DCK: variants seen among roughly 807,000 people sequenced by gnomAD.
DCK encodes deoxyadenosine kinase.
A neutral mutation model predicts 38.3 loss-of-function variants in DCK; 23 were observed. The observed-to-expected ratio is 0.60, with a 90% CI of 0.43 to 0.85. The LOEUF (loss-of-function observed/expected upper bound fraction) is 0.85, where lower values mean the gene tolerates loss of function less well. Among genes scored for constraint, DCK ranks in the 40% least tolerant of loss-of-function variants. DCK has a pLI of 0.00. For synonymous variants in DCK, 108 were observed against 100.6 expected (o/e 1.07, Z -0.44); for missense variants, 259 against 304.4 (o/e 0.85, Z 1.11).
At chr4:71,004,910 T>A (rs1486271058) in intron 2 of DCK, among the ~76,000 whole-genome samples, 4 of 152,168 alleles carry the variant, frequency 2.6e-5, no homozygotes, top group Non-Finnish European at 4.4e-5. Flanking sequence ...GGGGGTGGGA[T>A]CTGCTGAGCA....
At chr4:71,018,244 A>C (rs1740323249) in intron 2 of DCK, among the ~76,000 whole-genome samples, 1 of 148,918 alleles carries the variant, frequency 6.7e-6, no homozygotes, top group Non-Finnish European at 1.5e-5. Flanking sequence ...CTTGTGCCTC[A>C]GCCTCCCGAG....
At chr4:70,998,495 G>T (rs970278450) in intron 2 of DCK, among the ~76,000 whole-genome samples, 1 of 152,068 alleles carries the variant, frequency 6.6e-6, no homozygotes. Context: ...ATCTAGAGAT[G>T]ATTTATACTA....
At chr4:70,998,203 T>A in intron 2 of DCK, 21 bp downstream of exon 2, 1 of 1,235,332 alleles carries the variant, frequency 8.1e-7, no homozygotes, top group Non-Finnish European at 1.2e-6. Context: ...AAAATTTAAG[T>A]AGATAAAAGC....
chr4:71,008,211 G>A (rs564371161), intron 2 of DCK, among the ~76,000 whole-genome samples: 1 of 152,308 alleles, frequency 6.6e-6, no homozygotes, highest in African/African-American at 2.4e-5. Flanking sequence ...TATGATGCCT[G>A]TTTTCCAAAC....
chr4:71,003,312 C>T (rs1053669587), intron 2 of DCK, among the ~76,000 whole-genome samples: 2 of 152,228 alleles, frequency 1.3e-5, no homozygotes, highest in Non-Finnish European at 2.9e-5. Flanking sequence ...TGTAGGGTTT[C>T]TGCCGAGAGA....
At chr4:71,011,601 G>A (rs981339459) in intron 2 of DCK, among the ~76,000 whole-genome samples, 3 of 152,020 alleles carry the variant, frequency 2.0e-5, no homozygotes, top group East Asian at 1.9e-4. Flanking sequence ...CAAGCAATCC[G>A]CCTGCCTCGG....
chr4:71,014,373 TAAC>T (rs1740196407), intron 2 of DCK, among the ~76,000 whole-genome samples: 1 of 152,128 alleles, frequency 6.6e-6, no homozygotes, highest in South Asian at 2.1e-4. Flanking sequence ...GACAGAAAGT[TAAC>T]AAGGATATCC....
chr4:71,016,331 T>C (rs1321100051), intron 2 of DCK, among the ~76,000 whole-genome samples: 1 of 152,184 alleles, frequency 6.6e-6, no homozygotes, highest in Non-Finnish European at 1.5e-5. Context: ...ATAGGAAGAA[T>C]CAATATCGTG....
chr4:71,002,669 A>G (rs573646773), intron 2 of DCK, among the ~76,000 whole-genome samples: 12 of 152,010 alleles, frequency 7.9e-5, no homozygotes, highest in African/African-American at 2.7e-4. Flanking sequence ...TCTATTTAGG[A>G]TAGTTAGCTC....
intron 6 of DCK, among the ~76,000 whole-genome samples, chr4:71,029,139 C>G (rs1387224107): frequency 6.6e-6 from 1 of 152,168 alleles, no homozygotes; most frequent in Non-Finnish European, 1.5e-5. Flanking sequence ...AGTGATCCAC[C>G]CATCTCGGCC....
intron 4 of DCK, among the ~76,000 whole-genome samples, chr4:71,024,620 CTTCA>C (rs1176431534): frequency 6.6e-6 from 1 of 151,892 alleles, no homozygotes; most frequent in Non-Finnish European, 1.5e-5. Context: ...TGATTTTGTT[CTTCA>C]TTAAGTAAAG....
chr4:71,016,678 T>C (rs1216336103), intron 2 of DCK, among the ~76,000 whole-genome samples: 1 of 152,056 alleles, frequency 6.6e-6, no homozygotes, highest in Non-Finnish European at 1.5e-5. Flanking sequence ...AAACAAGAAA[T>C]GGGGAAAGGA....
intron 2 of DCK, among the ~76,000 whole-genome samples, chr4:71,003,852 C>G (rs867778184): frequency 6.6e-6 from 1 of 152,182 alleles, no homozygotes; most frequent in Non-Finnish European, 1.5e-5. Context: ...GTTAGCAGTT[C>G]CTGTAACCGT....
intron 6 of DCK, among the ~76,000 whole-genome samples, chr4:71,027,435 T>A (rs548074330): frequency 6.6e-6 from 1 of 152,230 alleles, no homozygotes; most frequent in Admixed American, 6.5e-5. Flanking sequence ...ATAAAGGGAA[T>A]GGGTGAGAAT....
chr4:71,030,372 G>GA lies in DCK; in HGVS notation c.*998dup, dbSNP rs1223299685. 2 of 151,992 alleles carry GA rather than the reference G, an allele frequency of 1.3e-5. No individual in the cohort carries two copies. The highest frequency in any genetic ancestry group is 4.8e-5 in the African/African-American group (2 of 41,404). The allele number at this position is 151,992 out of a possible 1,614,324, so 9.4% of individuals were successfully genotyped here. A position where few individuals can be genotyped will look rare whatever the true frequency, so the allele number is the denominator to read the frequency against. On this transcript the variant is annotated 3_prime_UTR_variant, in exon 7 of 7. Transcript: ENST00000286648. ...TTAAACCTTTCCATTTTACGTTTTA[G>GA]AAAATTTTATGTATTTTAAAATAAG...
chr4:71,003,719 G>C (rs572127077), intron 2 of DCK, among the ~76,000 whole-genome samples: 25 of 152,172 alleles, frequency 1.6e-4, no homozygotes, highest in African/African-American at 6.0e-4. Context: ...TTCAATCTCT[G>C]ATATCCTTTC....
At chr4:71,013,317 C>G (rs1239437452) in intron 2 of DCK, among the ~76,000 whole-genome samples, 1 of 152,158 alleles carries the variant, frequency 6.6e-6, no homozygotes, top group Admixed American at 6.5e-5. Context: ...AGAATGGAAC[C>G]AAGTTGGAAA....
rs1362969078 is a variant in DCK at position 71,029,423 on chromosome 4, G to T, written c.*45G>T. The T allele has an allele frequency of 6.9e-7, 1 of 1,458,700 alleles. No homozygotes were observed. Among genetic ancestry groups the T allele is most frequent in the Non-Finnish European group, 9.6e-7 (1 of 1,041,176 alleles). The allele number at this position is 1,458,700 out of a possible 1,614,324, so 90.4% of individuals were successfully genotyped here. A position where few individuals can be genotyped will look rare whatever the true frequency, so the allele number is the denominator to read the frequency against. ...CAGCCAAATGGTTCCAGATACTTCA[G>T]CTTTGTGTATCTTCGTAACTTCATA... On this transcript the variant is annotated 3_prime_UTR_variant, in exon 7 of 7. Coordinates refer to ENST00000286648, the MANE Select transcript of DCK (RefSeq NM_000788.3).
rs531805663 is a variant in DCK, at chr4:70,993,694, C to G, written c.-142C>G. The G allele has an allele frequency of 5.1e-6, 3 of 588,976 alleles. No homozygotes were observed. The highest frequency in any genetic ancestry group is 3.9e-5 in the African/African-American group (2 of 51,470). 36.5% of individuals were successfully genotyped at this position (588,976 alleles called of 1,614,324 possible). A position where few individuals can be genotyped will look rare whatever the true frequency, so the allele number is the denominator to read the frequency against. On this transcript the variant is annotated 5_prime_UTR_variant, in exon 1 of 7. Coordinates refer to ENST00000286648, the MANE Select transcript of DCK (RefSeq NM_000788.3). The stretch of plus-strand genomic sequence containing the variant: ...CGCGCCAAAGTCAAACCCCGACACC[C>G]GCCGGCGGGCCGGTGAGCTCACTAG...
Sources: gnomAD v4.1 joint callset for allele counts (sites outside exome capture counted in the v4.1 genomes callset) on GRCh38, gnomAD v4.1.1 for gene constraint, MANE v1.5 for transcripts, NCBI Gene and HGNC (gene_info 2026-07-23, HGNC 2026-07-21) for gene names.